ABCA2: variants seen among roughly 807,000 people sequenced by gnomAD.
ABCA2 encodes ATP-binding cassette sub-family A member 2.
In ABCA2, 84 loss-of-function variants were observed where a neutral mutation model predicts 262.8. The ratio of observed to expected loss-of-function variants is 0.32; its 90% CI spans 0.27 to 0.38. The LOEUF (loss-of-function observed/expected upper bound fraction) is 0.38, where lower values mean the gene tolerates loss of function less well. Among genes scored for constraint, ABCA2 ranks in the 10% least tolerant of loss-of-function variants. The pLI is 1.00. For synonymous variants in ABCA2, 1,696 were observed against 1,502.9 expected (o/e 1.13, Z -2.97); for missense variants, 2,662 against 3,405.9 (o/e 0.78, Z 5.44).
In ABCA2 at chr9:137,022,742, C is replaced by T. The variant is rs756329986; in HGVS notation, c.399G>A (p.Ala133=). ...GGTGGCTCCCCGAGGTGCCCGGGCC[C>T]GCACTGAGGGCCTCCAGATGCTGGC... ...ALRQHLEALS[A]GPGTSGSHLD... The change falls in exon 5 of 49, where the codon GCG becomes GCA. Residue 133 remains alanine (A), a synonymous_variant. Transcript: ENST00000341511. 3.9e-5 allele frequency: 63 copies of T among 1,605,368 alleles called. No individual in the cohort carries two copies. The highest frequency in any genetic ancestry group is 6.7e-5 in the East Asian group (3 of 44,636).
chr9:137,012,387 A>G lies in ABCA2; in HGVS notation c.5188-11T>C. 1 of 1,611,178 alleles carries G rather than the reference A, an allele frequency of 6.2e-7. No homozygotes were observed. Among genetic ancestry groups the G allele is most frequent in the Non-Finnish European group, 8.5e-7 (1 of 1,178,834 alleles). ...GTTGTTGTAGAAAACCTGCAGAAGGAAGAGGACACAGAAAGGCCCCAGGAC... is the reference window on the plus strand; with the variant it reads ...GTTGTTGTAGAAAACCTGCAGAAGGGAGAGGACACAGAAAGGCCCCAGGAC... On this transcript the variant is annotated splice_polypyrimidine_tract_variant and intron_variant, in intron 32 of 48. Coordinates refer to ENST00000341511, the MANE Select transcript of ABCA2 (RefSeq NM_001606.5).
chr9:137,014,483 G>T, intron 26 of ABCA2, 79 bp from the exon 27 acceptor site: 1 of 1,486,862 alleles, frequency 6.7e-7, no homozygotes, highest in Non-Finnish European at 9.1e-7. Context: ...CCCCGGTCTT[G>T]ACCCCAGTTC....
At position 137,017,905 on chromosome 9, in the gene ABCA2, C is replaced by T. The variant is rs765364708; in HGVS notation, c.2097-4G>A. The T allele has an allele frequency of 3.1e-6, 5 of 1,612,282 alleles. No individual in the cohort carries two copies. Among genetic ancestry groups the T allele is most frequent in the Middle Eastern group, 1.6e-4 (1 of 6,082 alleles). On this transcript the variant is annotated splice_polypyrimidine_tract_variant and splice_region_variant and intron_variant, in intron 15 of 48. Coordinates refer to ENST00000341511, the MANE Select transcript of ABCA2 (RefSeq NM_001606.5). ...GTGCTCAATGACAAACAGGAAGCTGCGGGGAGGCCGCGCTCAGGCGCCACT... is the reference window on the plus strand; with the variant it reads ...GTGCTCAATGACAAACAGGAAGCTGTGGGGAGGCCGCGCTCAGGCGCCACT...
chr9:137,010,422 C>G, intron 40 of ABCA2, 51 bp from the exon 41 acceptor site: 4 of 1,535,460 alleles, frequency 2.6e-6, no homozygotes, highest in Non-Finnish European at 3.5e-6. Context: ...CACCCTGCCC[C>G]TCTGGCCCCA....
chr9:137,028,796 CAGGAA>C (rs760885538), upstream of ABCA2: 106 of 1,303,338 alleles, frequency 8.1e-5, no homozygotes, highest in South Asian at 1.3e-3. This position sits in a 1 kb window ranked among gnomAD's most constrained non-coding sequence, Gnocchi z 6.9. Flanking sequence ...CTCGAGGCCC[CAGGAA>C]CGCTCGCCGT....
Position 137,011,763 on chromosome 9 carries a change from G to C in ABCA2, c.5536-14C>G. 6.4e-7 allele frequency: 1 copy of C among 1,550,448 alleles called. No individual in the cohort carries two copies. The highest frequency in any genetic ancestry group is 8.7e-7 in the Non-Finnish European group (1 of 1,147,294). On this transcript the variant is annotated splice_polypyrimidine_tract_variant and intron_variant, in intron 35 of 48. Coordinates refer to ENST00000341511, the MANE Select transcript of ABCA2 (RefSeq NM_001606.5). The surrounding 1 kb of genome is among the most constrained non-coding windows in gnomAD (Gnocchi z 8.8). Reference sequence around the variant, plus strand: ...CAGGTAGTTGAGCTGCAGGGGTGGGGGCGGCTGGTGAGAGACCCGGGGCAG... The same window carrying C: ...CAGGTAGTTGAGCTGCAGGGGTGGGCGCGGCTGGTGAGAGACCCGGGGCAG...
rs779841097 is a variant in ABCA2 at position 137,013,845 on chromosome 9, G to A, written c.4434C>T (p.Ser1478=). The A allele has an allele frequency of 1.1e-5, 17 of 1,608,082 alleles. No homozygotes were observed. Among genetic ancestry groups the A allele is most frequent in the East Asian group, 2.2e-5 (1 of 44,578 alleles). ...CCGGTGGCCTACCAATCTCCGGGAC[G>A]GACAGGGCCACGGTCATGGCCACGC... is the stretch of plus-strand genomic sequence containing the variant. ...FVCVAMTVAL[S]VPEIGDLPPL... Residue 1478 remains serine (S), a synonymous_variant, in exon 28 of 49, where the codon TCC becomes TCT. Transcript: ENST00000341511.
At chr9:137,018,604 G>A (rs1383132653) in intron 13 of ABCA2, 115 bp downstream of exon 13, 5 of 866,550 alleles carry the variant, frequency 5.8e-6, no homozygotes, top group East Asian at 5.5e-5. Flanking sequence ...TGGCGGGTGA[G>A]GGGGGAAGGC....
chr9:137,021,693 C>T lies in ABCA2; in HGVS notation c.679-83G>A. ...GGGCCTCAGGCCTCACCCTGCCCCA[C>T]CCACTGGCTGGCTCTGGGGCTGCCT... On this transcript the variant is annotated intron_variant, in intron 7 of 48. Transcript: ENST00000341511. The surrounding 1 kb of genome is among the most constrained non-coding windows in gnomAD (Gnocchi z 6.0). 1 of 1,432,788 alleles carries T rather than the reference C, an allele frequency of 7.0e-7. No homozygotes were observed. The highest frequency in any genetic ancestry group is 1.3e-5 in the South Asian group (1 of 78,408). 88.8% of individuals were successfully genotyped at this position (1,432,788 alleles called of 1,614,324 possible).
chr9:137,009,414 G>A lies in ABCA2; in HGVS notation c.6783C>T (p.Asn2261=), dbSNP rs371356634. The change falls in exon 45 of 49, where the codon AAC becomes AAT. Residue 2261 remains asparagine (N), a synonymous_variant. Transcript: ENST00000341511. ...ALCTRLAIMV[N]GRLRCLGSIQ... ...TGCTGCCCAGGCACCGCAGGCGACCGTTCACCATGATGGCCAGCCGCGTGC... is the reference window on the plus strand; with the variant it reads ...TGCTGCCCAGGCACCGCAGGCGACCATTCACCATGATGGCCAGCCGCGTGC... 3.0e-5 allele frequency: 42 copies of A among 1,389,268 alleles called. No homozygotes were observed. The highest frequency in any genetic ancestry group is 7.9e-5 in the South Asian group (7 of 88,246). The allele number at this position is 1,389,268 out of a possible 1,614,324, so 86.1% of individuals were successfully genotyped here. A position where few individuals can be genotyped will look rare whatever the true frequency, so the allele number is the denominator to read the frequency against.
chr9:137,014,314 T>C lies in ABCA2; in HGVS notation c.4094A>G (p.Glu1365Gly). The C allele has an allele frequency of 6.2e-7, 1 of 1,610,174 alleles. No individual in the cohort carries two copies. Among genetic ancestry groups the C allele is most frequent in the Non-Finnish European group, 8.5e-7 (1 of 1,178,898 alleles). Residue 1365 changes from glutamate to glycine, a missense_variant, in exon 27 of 49, where the codon GAG becomes GGG. Glu to Gly is a moderately conservative substitution (Grantham distance 98). Around this residue, in one of 12 missense-constraint regions of ABCA2, gnomAD observed 297 missense variants for 286.5 expected, o/e 1.04. Transcript: ENST00000341511. The stretch of plus-strand genomic sequence containing the variant: ...CAGCGATGCCTGCGACTGGGTCAGC[T>C]CCGAGCACCGGGCCAGATTGCCAGC... Reference protein sequence around the residue: ...GHAGNLARCSELTQSQASLQS... With the variant: ...GHAGNLARCSGLTQSQASLQS...
At position 137,013,462 on chromosome 9, in the gene ABCA2, G is replaced by T; in HGVS notation, c.4549C>A (p.Arg1517=). ...GGCTGCCCCCGCTGGAGGCCTCACC[G>T]GTACTCGCGGCGCTCCTCGTTGGCG... The part of the protein sequence containing the change: ...PYANEERREY[R]LRLSPDASPQ... Residue 1517 remains arginine, a splice_region_variant and synonymous_variant, in exon 29 of 49, where the codon CGG becomes AGG. Coordinates refer to ENST00000341511, the MANE Select transcript of ABCA2 (RefSeq NM_001606.5). 1.3e-6 allele frequency: 2 copies of T among 1,596,306 alleles called. No homozygotes were observed. The highest frequency in any genetic ancestry group is 4.6e-5 in the East Asian group (2 of 43,754).
intron 1 of ABCA2, among the ~76,000 whole-genome samples, chr9:137,024,643 C>A (rs181793119): frequency 6.6e-6 from 1 of 152,206 alleles, no homozygotes; most frequent in Non-Finnish European, 1.5e-5. Flanking sequence ...CACACTGCCC[C>A]GGGTTCACCT....
chr9:137,008,724 C>A lies in ABCA2; in HGVS notation c.7068+7G>T. The A allele has an allele frequency of 6.4e-7, 1 of 1,573,806 alleles. No individual in the cohort carries two copies. Among genetic ancestry groups the A allele is most frequent in the Non-Finnish European group, 8.6e-7 (1 of 1,160,632 alleles). ...GGTGTGGTGCGCAGTGCCCTTGGGG[C>A]GCTCACATTGTCCAGTGTGGTCTGG... On this transcript the variant is annotated splice_region_variant and intron_variant, in intron 47 of 48. Transcript: ENST00000341511.
chr9:137,013,381 T>G, intron 29 of ABCA2, 63 bp from the exon 30 acceptor site: 1 of 1,256,786 alleles, frequency 8.0e-7, no homozygotes, highest in East Asian at 2.8e-5. Context: ...CCCCGCCCCC[T>G]CGCCCGCCTG....
At chr9:137,017,934 C>A (rs150028688) in intron 15 of ABCA2, 33 bp from the exon 16 acceptor site, 21,110 of 1,611,100 alleles carry the variant, frequency 0.013, 154 homozygotes, top group Non-Finnish European at 0.015. Flanking sequence ...CGCCACTCAG[C>A]CCCAGCCCCA....
rs760043623 is a variant in ABCA2 at position 137,007,879 on chromosome 9, A to C, written c.*50T>G. 36 of 1,600,928 alleles carry C rather than the reference A, an allele frequency of 2.2e-5. No individual in the cohort carries two copies. In the Middle Eastern group the frequency reaches 1.7e-3, roughly 77 times the overall value. ...GTCCCCATTGTTGAGTCCCTGGCCC[A>C]GCTCTGGGTGGTCAGTGGAGCGTGT... On this transcript the variant is annotated 3_prime_UTR_variant, in exon 49 of 49. Transcript: ENST00000341511.
Position 137,014,768 on chromosome 9 carries a change from C to T in ABCA2, c.3925G>A (p.Gly1309Arg), listed in dbSNP as rs1344219972. 3.7e-6 allele frequency: 6 copies of T among 1,600,172 alleles called. No homozygotes were observed. The highest frequency in any genetic ancestry group is 5.1e-6 in the Non-Finnish European group (6 of 1,174,722). The change falls in exon 26 of 49, where the codon GGG becomes AGG. Residue 1309 changes from glycine (G) to arginine (R), a missense_variant. Around this residue, in one of 12 missense-constraint regions of ABCA2, gnomAD observed 297 missense variants for 286.5 expected, o/e 1.04. Coordinates refer to ENST00000341511, the MANE Select transcript of ABCA2 (RefSeq NM_001606.5). The part of the protein sequence containing the change: ...SLDALHLSSF[G>R]LMDTTLEEVF... ...TCCTCCAGGGTCGTGTCCATCAGCC[C>T]GAAGCTGCTGAGGTGCAGTGCATCC...
Position 137,011,678 on chromosome 9 carries a change from C to A in ABCA2, c.5607G>T (p.Ser1869=). ...AGAGGACGGCAGGGAAGTTGGTGGG[C>A]GACGTGTAGGCCGGCAGGTCGAACA... The part of the protein sequence containing the change: ...LFVFDLPAYT[S]PTNFPAVLSL... Residue 1869 remains serine (S), a synonymous_variant, in exon 36 of 49, where the codon TCG becomes TCT. Coordinates refer to ENST00000341511, the MANE Select transcript of ABCA2 (RefSeq NM_001606.5). This position sits in a 1 kb window ranked among gnomAD's most constrained non-coding sequence, Gnocchi z 8.8. 4 of 1,555,176 alleles carry A rather than the reference C, an allele frequency of 2.6e-6. No homozygotes were observed. The highest frequency in any genetic ancestry group is 3.5e-6 in the Non-Finnish European group (4 of 1,150,022).
Sources: allele counts gnomAD v4.1 joint callset (sites outside exome capture counted in the v4.1 genomes callset), GRCh38; gene constraint gnomAD v4.1.1; regional missense constraint gnomAD v4.1.1; non-coding constraint Gnocchi (gnomAD v3.1); transcripts MANE v1.5; gene names NCBI Gene and HGNC (gene_info 2026-07-23, HGNC 2026-07-21).